AAMDC: variants seen among roughly 807,000 people sequenced by gnomAD.
The protein encoded by AAMDC is mth938 domain-containing protein.
Under a neutral mutation model 15.5 loss-of-function variants are expected in AAMDC, and 16 were observed. The ratio of observed to expected loss-of-function variants is 1.03; its 90% CI spans 0.70 to 1.57. AAMDC has a LOEUF of 1.57. Ranked by LOEUF, AAMDC falls within the 40% of genes most tolerant of loss-of-function variation. AAMDC has a pLI of 0.00. For synonymous variants in AAMDC, 51 were observed against 51.6 expected, an observed-to-expected ratio of 0.99 and a Z score of 0.05; for missense variants, 141 against 144.9, an observed-to-expected ratio of 0.97 and a Z score of 0.14.
At chr11:77,833,112 G>A (rs185686033) in intron 1 of AAMDC, among the ~76,000 whole-genome samples, 1 of 148,300 alleles carries the variant, frequency 6.7e-6, no homozygotes, top group Admixed American at 6.9e-5. Flanking sequence ...CGAGGTTCAA[G>A]CAATTCTCCT....
At chr11:77,837,112 T>C (rs1041494442) in intron 1 of AAMDC, among the ~76,000 whole-genome samples, 1 of 152,218 alleles carries the variant, frequency 6.6e-6, no homozygotes, top group Non-Finnish European at 1.5e-5. Flanking sequence ...GTGTTGTTTT[T>C]TGTTTGAGTT....
intron 1 of AAMDC, among the ~76,000 whole-genome samples, chr11:77,827,955 C>T (rs1225515102): frequency 6.6e-6 from 1 of 152,136 alleles, no homozygotes; most frequent in Admixed American, 6.5e-5. Context: ...CTGTGTTATT[C>T]TGTACATTAG....
intron 1 of AAMDC, among the ~76,000 whole-genome samples, chr11:77,830,595 T>TA (rs1949377317): frequency 6.6e-6 from 1 of 151,066 alleles, no homozygotes. Context: ...TTCTTCCAAA[T>TA]ATACTCTTTT....
chr11:77,865,617 C>G (rs566810597), intron 2 of AAMDC, among the ~76,000 whole-genome samples: 2 of 152,230 alleles, frequency 1.3e-5, no homozygotes, highest in Admixed American at 1.3e-4. Flanking sequence ...AGCTATATGC[C>G]CCAGAAAATG....
intron 2 of AAMDC, among the ~76,000 whole-genome samples, chr11:77,857,881 G>C (rs1435571856): frequency 1.3e-5 from 2 of 151,980 alleles, no homozygotes; most frequent in Non-Finnish European, 2.9e-5. Flanking sequence ...ATTTTTAGTA[G>C]AGACAGGGTT....
At chr11:77,843,412 T>C (rs1288036915) in intron 2 of AAMDC, among the ~76,000 whole-genome samples, 1 of 152,146 alleles carries the variant, frequency 6.6e-6, no homozygotes, top group East Asian at 1.9e-4. Context: ...GGGGGCAGGA[T>C]GAGAGGCACT....
At chr11:77,877,198 T>G, downstream of AAMDC, 2 of 569,960 alleles carry the variant, frequency 3.5e-6, no homozygotes, top group Non-Finnish European at 3.1e-6. Flanking sequence ...ACAGGTTACT[T>G]ATTTCTCTCA....
chr11:77,888,874 G>A (rs1487394037), intron 5 of AAMDC, among the ~76,000 whole-genome samples: 2 of 152,160 alleles, frequency 1.3e-5, no homozygotes, highest in African/African-American at 4.8e-5. Context: ...ACCACAGTGA[G>A]ATACCATCTC....
In AAMDC at chr11:77,821,228, A is replaced by C. The variant is rs1482712912; in HGVS notation, c.-32A>C. On this transcript the variant is annotated 5_prime_UTR_variant, in exon 1 of 4. Coordinates refer to ENST00000393427, the MANE Select transcript of AAMDC (RefSeq NM_024684.4). ...GCCGTTTGGGAACGCAACTTTGAGG[A>C]GACAGTGCGGTGGGTGAGTTTGCGG... 2.6e-5 allele frequency: 7 copies of C among 268,464 alleles called. No individual in the cohort carries two copies. The Admixed American group carries it at 3.6e-4, about 14-fold the overall frequency. The allele number at this position is 268,464 out of a possible 1,614,324, so 16.6% of individuals were successfully genotyped here. A position where few individuals can be genotyped will look rare whatever the true frequency, so the allele number is the denominator to read the frequency against.
chr11:77,903,723 A>G, downstream of AAMDC: 1 of 789,006 alleles, frequency 1.3e-6, no homozygotes. Flanking sequence ...TCCCATGAAC[A>G]TGACTTCTCA....
chr11:77,873,919 G>A (rs1951525526), downstream of AAMDC, among the ~76,000 whole-genome samples: 1 of 152,210 alleles, frequency 6.6e-6, no homozygotes, highest in African/African-American at 2.4e-5. Context: ...AGCAGCAGCA[G>A]TGGAAAGATG....
chr11:77,838,593 T>C (rs1302866087), intron 1 of AAMDC, among the ~76,000 whole-genome samples: 1 of 150,692 alleles, frequency 6.6e-6, no homozygotes, highest in Non-Finnish European at 1.5e-5. Flanking sequence ...TTTCTCTGGA[T>C]AACCCTGACT....
At chr11:77,877,080 A>C (rs1460606480), downstream of AAMDC, 12 of 702,026 alleles carry the variant, frequency 1.7e-5, no homozygotes, top group Non-Finnish European at 2.3e-5. Context: ...AGCTCCCTGG[A>C]GTTAATCATT....
chr11:77,823,621 C>CAAAAAAAAAA (rs397970373), intron 1 of AAMDC, among the ~76,000 whole-genome samples: 2 of 97,658 alleles, frequency 2.0e-5, no homozygotes, highest in Non-Finnish European at 2.0e-5. Context: ...CACCCTGTCT[C>CAAAAAAAAAA]AAAAAAAAAA....
At chr11:77,844,821 C>T (rs577035550) in intron 2 of AAMDC, among the ~76,000 whole-genome samples, 6 of 152,208 alleles carry the variant, frequency 3.9e-5, no homozygotes, top group African/African-American at 9.6e-5. Context: ...GTCAGTGGAG[C>T]GCCTCATGAT....
intron 2 of AAMDC, among the ~76,000 whole-genome samples, chr11:77,848,951 T>A (rs1458184229): frequency 6.6e-6 from 1 of 152,076 alleles, no homozygotes; most frequent in Non-Finnish European, 1.5e-5. Context: ...CCACAATGCC[T>A]GGCTAATTTA....
chr11:77,864,566 A>G (rs990418008), intron 2 of AAMDC, among the ~76,000 whole-genome samples: 2 of 152,274 alleles, frequency 1.3e-5, no homozygotes, highest in Admixed American at 1.3e-4. Flanking sequence ...AACACTAGAA[A>G]TAAACTCAGT....
intron 2 of AAMDC, among the ~76,000 whole-genome samples, chr11:77,864,204 G>A (rs1278356816): frequency 1.3e-5 from 2 of 152,104 alleles, no homozygotes; most frequent in African/African-American, 2.4e-5. Context: ...TGGGATTACA[G>A]GCATGAGCCA....
At chr11:77,858,894 C>A (rs2136236401) in intron 2 of AAMDC, among the ~76,000 whole-genome samples, 1 of 152,298 alleles carries the variant, frequency 6.6e-6, no homozygotes, top group Middle Eastern at 3.4e-3. Flanking sequence ...ATAAACTTAA[C>A]AAGGAGGTTA....
Sources: allele counts gnomAD v4.1 joint callset (sites outside exome capture counted in the v4.1 genomes callset), GRCh38; gene constraint gnomAD v4.1.1; transcripts MANE v1.5; gene names NCBI Gene and HGNC (gene_info 2026-07-23, HGNC 2026-07-21).